Variants in SLX4IP observed in about 807,000 individuals in gnomAD.
SLX4IP encodes SLX4 interacting protein.
In SLX4IP, 34 loss-of-function variants were observed where a neutral mutation model predicts 32.9. The observed-to-expected ratio is 1.03, with a 90% confidence interval of 0.79 to 1.38. The LOEUF is 1.38. SLX4IP is among the 40% of genes most tolerant of loss of function. SLX4IP has a pLI of 0.00. For synonymous variants in SLX4IP, 172 were observed against 171.7 expected (o/e 1.00, Z -0.01); for missense variants, 444 against 479.0 (o/e 0.93, Z 0.68).
rs796955414 is a variant in SLX4IP, at chr20:10,447,274, G to A, written c.-29-10902G>A. On this transcript the variant is annotated intron_variant, in intron 1 of 7. Coordinates refer to ENST00000334534, the MANE Select transcript of SLX4IP (RefSeq NM_001009608.3). ...GCCCCCTCTGCCTGTTTGTCTGCCC[G>A]TTTGCCAGTACGTTAGTTTTTTTAC... Among the ~76,000 whole-genome samples, 10 of 142,790 alleles carry A rather than the reference G, an allele frequency of 7.0e-5. 1 individual carries two copies. The highest frequency in any genetic ancestry group is 2.2e-4 in the African/African-American group (9 of 40,834). The allele number at this position is 142,790 out of a possible 152,430, so 93.7% of individuals were successfully genotyped here.
chr20:10,446,074 T>C (rs1298646017), intron 1 of SLX4IP, among the ~76,000 whole-genome samples: 3 of 151,778 alleles, frequency 2.0e-5, no homozygotes, highest in Admixed American at 1.3e-4. Context: ...CATTCACACG[T>C]TGAAGGATGT....
chr20:10,449,722 A>G (rs936806896), intron 1 of SLX4IP, among the ~76,000 whole-genome samples: 9 of 152,344 alleles, frequency 5.9e-5, no homozygotes, highest in African/African-American at 2.2e-4. Context: ...AACTTGAGGC[A>G]GAGTGTGTTA....
chr20:10,603,728 G>A (rs572118203), intron 6 of SLX4IP, among the ~76,000 whole-genome samples: 32 of 152,168 alleles, frequency 2.1e-4, no homozygotes, highest in African/African-American at 6.7e-4. Flanking sequence ...AGCTCTGTGC[G>A]TCCCTCTGCC....
chr20:10,488,718 AAGT>A (rs1406568900), intron 2 of SLX4IP, among the ~76,000 whole-genome samples: 3 of 152,180 alleles, frequency 2.0e-5, no homozygotes, highest in Admixed American at 6.5e-5. Flanking sequence ...ATTTCCAGAG[AAGT>A]AATTGTTATA....
At chr20:10,568,125 C>A (rs1175410483) in intron 4 of SLX4IP, among the ~76,000 whole-genome samples, 4 of 152,188 alleles carry the variant, frequency 2.6e-5, no homozygotes, top group African/African-American at 9.7e-5. Flanking sequence ...CATTCAGAAA[C>A]TGTATTTTGA....
chr20:10,537,629 T>G (rs571959837), intron 2 of SLX4IP, among the ~76,000 whole-genome samples: 3 of 152,188 alleles, frequency 2.0e-5, no homozygotes, highest in Non-Finnish European at 4.4e-5. Context: ...TACAGTTCAG[T>G]TGATTCATGT....
intron 2 of SLX4IP, among the ~76,000 whole-genome samples, chr20:10,547,198 C>G (rs1210674475): frequency 1.3e-5 from 2 of 152,294 alleles, no homozygotes; most frequent in East Asian, 3.9e-4. Context: ...GACATCACAG[C>G]CTCTTATTTG....
chr20:10,465,447 A>G (rs1469852877), intron 2 of SLX4IP, among the ~76,000 whole-genome samples: 1 of 152,220 alleles, frequency 6.6e-6, no homozygotes, highest in Non-Finnish European at 1.5e-5. Flanking sequence ...TCTGAAATAA[A>G]CACACTCACA....
chr20:10,474,636 T>C (rs1217280087), intron 2 of SLX4IP, among the ~76,000 whole-genome samples: 4 of 152,252 alleles, frequency 2.6e-5, no homozygotes, highest in East Asian at 3.8e-4. Context: ...CAGATGGGCC[T>C]TGGGGGCCTG....
chr20:10,596,123 A>G (rs2066768617), intron 4 of SLX4IP, among the ~76,000 whole-genome samples: 1 of 152,194 alleles, frequency 6.6e-6, no homozygotes, highest in East Asian at 1.9e-4. Context: ...TCAGCAGTCC[A>G]GATAGGATTT....
chr20:10,575,651 GT>G (rs2066515906), intron 4 of SLX4IP, among the ~76,000 whole-genome samples: 1 of 151,294 alleles, frequency 6.6e-6, no homozygotes, highest in Non-Finnish European at 1.5e-5. Flanking sequence ...AGCATGTACT[GT>G]TTGTTTCTCA....
rs141244009 is a variant in SLX4IP, at chr20:10,584,068, G to A, written c.239-14607G>A. Among the ~76,000 whole-genome samples the A allele has an allele frequency of 2.8e-3, 424 of 152,196 alleles. 1 individual carries two copies. The highest frequency in any genetic ancestry group is 9.7e-3 in the African/African-American group (402 of 41,520). ...CATATCAGCCCAATATACATCTTAT[G>A]TGAACTCTTAAGGACTTGTATAATA... On this transcript the variant is annotated intron_variant, in intron 4 of 7. Transcript: ENST00000334534.
intron 2 of SLX4IP, among the ~76,000 whole-genome samples, chr20:10,468,391 A>C (rs1219986903): frequency 6.6e-6 from 1 of 152,158 alleles, no homozygotes; most frequent in Non-Finnish European, 1.5e-5. Flanking sequence ...TCATCATGTT[A>C]CTTCCTTGCT....
At chr20:10,535,623 A>G (rs1453523672) in intron 2 of SLX4IP, among the ~76,000 whole-genome samples, 4 of 152,136 alleles carry the variant, frequency 2.6e-5, no homozygotes, top group African/African-American at 4.8e-5. Flanking sequence ...GCCCGGCCCA[A>G]GAACATGTAG....
chr20:10,553,293 C>T (rs1346006836), intron 2 of SLX4IP, among the ~76,000 whole-genome samples: 5 of 151,796 alleles, frequency 3.3e-5, no homozygotes, highest in Non-Finnish European at 5.9e-5. Context: ...GTACTAGATC[C>T]ATCACTATGT....
intron 4 of SLX4IP, among the ~76,000 whole-genome samples, chr20:10,564,232 C>T (rs1342633321): frequency 3.3e-5 from 5 of 152,150 alleles, no homozygotes; most frequent in African/African-American, 9.7e-5. Flanking sequence ...TCTCTCTATA[C>T]ATTTATCTAA....
chr20:10,528,734 C>T (rs2065960220), intron 2 of SLX4IP, among the ~76,000 whole-genome samples: 1 of 152,192 alleles, frequency 6.6e-6, no homozygotes, highest in African/African-American at 2.4e-5. Flanking sequence ...ATCTTTGATA[C>T]CCATGTGAAG....
At chr20:10,614,200 G>A (rs2122563675) in intron 6 of SLX4IP, 1 of 705,672 alleles carries the variant, frequency 1.4e-6, no homozygotes, top group East Asian at 2.7e-5. Context: ...TTCATTTGGG[G>A]TTGAATGTAA....
intron 2 of SLX4IP, among the ~76,000 whole-genome samples, chr20:10,550,750 C>T (rs1286349867): frequency 1.3e-5 from 2 of 152,218 alleles, no homozygotes; most frequent in African/African-American, 2.4e-5. Context: ...CCAAAGCACG[C>T]GAGCTCTTTC....
Sources: gnomAD v4.1 joint callset for allele counts (sites outside exome capture counted in the v4.1 genomes callset) on GRCh38, gnomAD v4.1.1 for gene constraint, MANE v1.5 for transcripts, NCBI Gene and HGNC (gene_info 2026-07-23, HGNC 2026-07-21) for gene names.